DYRK1A: variants seen among roughly 807,000 people sequenced by gnomAD.
DYRK1A encodes the protein dual specificity tyrosine-phosphorylation-regulated kinase 1A.
Under a neutral mutation model 79.7 loss-of-function variants are expected in DYRK1A, and 9 were observed. That is an observed-to-expected ratio of 0.11 (90% CI 0.07 to 0.20). The LOEUF is 0.20. Ranked by LOEUF, DYRK1A falls within the 10% of genes least tolerant of loss-of-function variation. DYRK1A has a pLI of 1.00. For synonymous variants in DYRK1A, 349 were observed against 329.7 expected, an observed-to-expected ratio of 1.06 and a Z score of -0.63; for missense variants, 622 against 956.0, an observed-to-expected ratio of 0.65 and a Z score of 4.61.
rs943967491 is a variant in DYRK1A, at chr21:37,446,095, A to G, written c.10+25711A>G. On this transcript the variant is annotated intron_variant, in intron 2 of 11. Transcript: ENST00000647188. ...ATCTTAGGCGTTAAGAAGTGAACGC[A>G]GTGATGTGCAGGAAAATGTATTGGA... is the stretch of plus-strand genomic sequence containing the variant. Among the ~76,000 whole-genome samples, 8 of 143,944 alleles carry G rather than the reference A, an allele frequency of 5.6e-5. No individual in the cohort carries two copies. The South Asian group carries it at 1.4e-3, about 25-fold the overall frequency. 94.4% of individuals were successfully genotyped at this position (143,944 alleles called of 152,430 possible).
Position 37,506,121 on chromosome 21 carries a change from C to T in DYRK1A, c.1542C>T (p.Asn514=), listed in dbSNP as rs2053588467. The change falls in exon 11 of 12, where the codon AAC becomes AAT. Residue 514 remains asparagine (N), a synonymous_variant. Coordinates refer to ENST00000647188, the MANE Select transcript of DYRK1A (RefSeq NM_001347721.2). ...CAGGTGGCTCATCGGGGACAAGCAA[C>T]AGTGGGAGAGCCCGGTCGGATCCGA... ...SSSGGSSGTS[N]SGRARSDPTH... 6.2e-7 allele frequency: 1 copy of T among 1,612,642 alleles called. No homozygotes were observed. The highest frequency in any genetic ancestry group is 1.7e-5 in the Admixed American group (1 of 59,994).
At position 37,509,991 on chromosome 21, in the gene DYRK1A, A is replaced by G. The variant is rs183072875; in HGVS notation, c.1645-1920A>G. On this transcript the variant is annotated intron_variant, in intron 11 of 11. Coordinates refer to ENST00000647188, the MANE Select transcript of DYRK1A (RefSeq NM_001347721.2). ...TTCGTCTAGCATGTCCACACAGTAG[A>G]TAAGTTACTTTGCTTTGTAGCCATC... Among the ~76,000 whole-genome samples the G allele has an allele frequency of 1.6e-3, 249 of 152,322 alleles. 11 individuals carry two copies. The South Asian group carries it at 0.051, about 31-fold the overall frequency.
intron 1 of DYRK1A, among the ~76,000 whole-genome samples, chr21:37,390,767 G>A (rs941452314): frequency 6.6e-6 from 1 of 151,940 alleles, no homozygotes; most frequent in South Asian, 2.1e-4. Context: ...ATGGGGTTTC[G>A]CCATGTTGCC....
chr21:37,398,191 ATAGT>A (rs956885862), intron 1 of DYRK1A, among the ~76,000 whole-genome samples: 5 of 151,012 alleles, frequency 3.3e-5, no homozygotes, highest in Non-Finnish European at 4.4e-5. Context: ...CACACACAAA[ATAGT>A]TAGCCTGGCA....
chr21:37,473,536 AGTT>A (rs2052298834), intron 3 of DYRK1A, among the ~76,000 whole-genome samples: 1 of 152,202 alleles, frequency 6.6e-6, no homozygotes, highest in African/African-American at 2.4e-5. Flanking sequence ...TAACAGCTGT[AGTT>A]GTGTGAAAGT....
intron 2 of DYRK1A, among the ~76,000 whole-genome samples, chr21:37,441,479 G>A (rs773225408): frequency 1.6e-4 from 25 of 151,568 alleles, no homozygotes; most frequent in East Asian, 5.8e-4. Flanking sequence ...TTCTCCTACC[G>A]TCTTTTATTC....
intron 5 of DYRK1A, among the ~76,000 whole-genome samples, chr21:37,483,567 T>TTTTTGTTTTG (rs553868561): frequency 2.0e-5 from 3 of 152,042 alleles, no homozygotes; most frequent in African/African-American, 4.8e-5. Context: ...GGAGTCCTTT[T>TTTTTGTTTTG]TTTTGTTTTG....
At chr21:37,489,610 A>G (rs943763209) in intron 6 of DYRK1A, among the ~76,000 whole-genome samples, 1 of 149,416 alleles carries the variant, frequency 6.7e-6, no homozygotes, top group East Asian at 2.0e-4. Flanking sequence ...ATTTTCAGAC[A>G]TTTGTTGTAT....
At position 37,366,984 on chromosome 21, in the gene DYRK1A, GCGC is replaced by G. The variant is rs1284649150; in HGVS notation, c.-708_-706del. 1.2e-4 allele frequency: 20 copies of G among 164,064 alleles called. No homozygotes were observed. The highest frequency in any genetic ancestry group is 5.1e-4 in the South Asian group (4 of 7,834). The allele number at this position is 164,064 out of a possible 1,614,324, so 10.2% of individuals were successfully genotyped here. ...CGGACACCCCGAGCGGGGGGTGCGG[GCGC>G]CGCCGCCGCCGCTTCTGCTGCTGCT... On this transcript the variant is annotated 5_prime_UTR_variant, in exon 1 of 12. Transcript: ENST00000647188.
intron 1 of DYRK1A, among the ~76,000 whole-genome samples, chr21:37,386,769 C>T (rs1355551158): frequency 6.7e-6 from 1 of 149,448 alleles, no homozygotes; most frequent in African/African-American, 2.6e-5. Context: ...TTTCTCATTT[C>T]CCCCTTTAGT....
intron 6 of DYRK1A, chr21:37,488,521 C>A: frequency 2.1e-6 from 2 of 936,066 alleles, no homozygotes; most frequent in South Asian, 4.9e-5. Context: ...CTGCCATGGT[C>A]TAGTTAAAAG....
intron 1 of DYRK1A, among the ~76,000 whole-genome samples, chr21:37,396,235 T>G (rs1032640119): frequency 1.3e-5 from 2 of 152,060 alleles, no homozygotes; most frequent in Admixed American, 6.6e-5. Context: ...AGGTTGGGGA[T>G]GGAGGGCAGT....
At chr21:37,503,994 A>G (rs2053524796) in intron 9 of DYRK1A, 1 of 152,224 alleles carries the variant, frequency 6.6e-6, no homozygotes, top group African/African-American at 2.4e-5. Context: ...GCTTAAGAAC[A>G]GTTAAAGATG....
intron 1 of DYRK1A, among the ~76,000 whole-genome samples, chr21:37,374,257 G>T (rs1173626241): frequency 6.6e-6 from 1 of 151,194 alleles, no homozygotes. Context: ...AATAACACTC[G>T]CATGTTGTCA....
rs1026212837 is a variant in DYRK1A at position 37,477,492 on chromosome 21, C to T, written c.208-716C>T. 2.6e-5 allele frequency among the ~76,000 whole-genome samples: 4 copies of T among 152,264 alleles called. No individual in the cohort carries two copies. In the East Asian group the frequency reaches 5.8e-4, roughly 22 times the overall value. On this transcript the variant is annotated intron_variant, in intron 3 of 11. Transcript: ENST00000647188. ...TATAGAGGGGGTGCATGCCCCTGCT[C>T]TATCATCTGTTGTAATTGCTGTGGA...
At chr21:37,438,048 G>A (rs1357352200) in intron 2 of DYRK1A, among the ~76,000 whole-genome samples, 1 of 152,098 alleles carries the variant, frequency 6.6e-6, no homozygotes, top group African/African-American at 2.4e-5. Context: ...TCTAATACTT[G>A]GGTAGTGATA....
At position 37,367,149 on chromosome 21, in the gene DYRK1A, C is replaced by T. The variant is rs2049323561; in HGVS notation, c.-556C>T. ...TGTGCGGGTGTGTGCGAGTGTCTGT[C>T]TGTCTGTGCGGGGACTCGGGGGCGG... On this transcript the variant is annotated 5_prime_UTR_variant, in exon 1 of 12. Transcript: ENST00000647188. 1 of 152,340 alleles carries T rather than the reference C, an allele frequency of 6.6e-6. No homozygotes were observed. The highest frequency in any genetic ancestry group is 1.5e-5 in the Non-Finnish European group (1 of 68,178). 9.4% of individuals were successfully genotyped at this position (152,340 alleles called of 1,614,324 possible).
chr21:37,396,559 A>G (rs1019591120), intron 1 of DYRK1A, among the ~76,000 whole-genome samples: 14 of 151,408 alleles, frequency 9.2e-5, no homozygotes, highest in Admixed American at 3.3e-4. Flanking sequence ...TCCCTGTTCT[A>G]TGATTTTAGA....
intron 1 of DYRK1A, among the ~76,000 whole-genome samples, chr21:37,388,024 G>C (rs1389151267): frequency 4.0e-5 from 6 of 150,030 alleles, no homozygotes; most frequent in Admixed American, 1.3e-4. Flanking sequence ...ATAAATGTCT[G>C]TGTTTTTATC....
Sources: allele counts gnomAD v4.1 joint callset (sites outside exome capture counted in the v4.1 genomes callset), GRCh38; gene constraint gnomAD v4.1.1; transcripts MANE v1.5; gene names NCBI Gene and HGNC (gene_info 2026-07-23, HGNC 2026-07-21).